RSPO2: variants seen among roughly 807,000 people sequenced by gnomAD.
The protein encoded by RSPO2 is R-spondin-2.
A neutral mutation model predicts 30.9 loss-of-function variants in RSPO2; 14 were observed. The observed-to-expected ratio is 0.45, with a 90% CI of 0.30 to 0.71. RSPO2 has a LOEUF of 0.71. Ranked by LOEUF, RSPO2 falls within the 30% of genes least tolerant of loss-of-function variation. RSPO2 has a pLI of 0.08. For missense variants in RSPO2, 264 were observed against 301.9 expected (o/e 0.87, Z 0.93); for synonymous variants, 107 against 96.4 (o/e 1.11, Z -0.64).
At chr8:107,945,990 T>TG (rs1327680082) in intron 5 of RSPO2, among the ~76,000 whole-genome samples, 7 of 152,214 alleles carry the variant, frequency 4.6e-5, no homozygotes, top group Admixed American at 4.6e-4. Context: ...AATGAATATT[T>TG]GCTCCCTCTG....
intron 2 of RSPO2, among the ~76,000 whole-genome samples, chr8:108,047,590 G>A (rs974798484): frequency 2.0e-5 from 3 of 152,188 alleles, no homozygotes; most frequent in Non-Finnish European, 2.9e-5. Flanking sequence ...GCTCATGCCT[G>A]TAATCCCAGC....
intron 4 of RSPO2, among the ~76,000 whole-genome samples, chr8:107,958,763 A>T (rs1277307428): frequency 6.6e-6 from 1 of 152,048 alleles, no homozygotes; most frequent in Non-Finnish European, 1.5e-5. Context: ...TGTTCCCATC[A>T]TTCAGCTCCC....
intron 5 of RSPO2, among the ~76,000 whole-genome samples, chr8:107,914,829 C>G (rs189221640): frequency 6.6e-6 from 1 of 151,994 alleles, no homozygotes; most frequent in Admixed American, 6.6e-5. Context: ...ATTTTAGGTG[C>G]CTTTATGTGT....
At chr8:107,993,506 G>A (rs964168473) in intron 2 of RSPO2, among the ~76,000 whole-genome samples, 6 of 152,070 alleles carry the variant, frequency 3.9e-5, no homozygotes, top group African/African-American at 1.4e-4. Context: ...TTTATATTAG[G>A]GTCAAAGGCA....
intron 5 of RSPO2, among the ~76,000 whole-genome samples, chr8:107,930,505 T>C (rs745753517): frequency 2.6e-5 from 4 of 152,362 alleles, no homozygotes; most frequent in Non-Finnish European, 5.9e-5. Context: ...AACTGATGAA[T>C]GTTGTAGGTT....
intron 4 of RSPO2, among the ~76,000 whole-genome samples, chr8:107,960,095 C>A (rs1012731663): frequency 6.6e-6 from 1 of 151,924 alleles, no homozygotes; most frequent in Non-Finnish European, 1.5e-5. Flanking sequence ...GGTATTTTAC[C>A]AACTCTCAGA....
chr8:107,956,324 G>T (rs1440592008), intron 5 of RSPO2, among the ~76,000 whole-genome samples: 4 of 152,176 alleles, frequency 2.6e-5, no homozygotes, highest in Non-Finnish European at 5.9e-5. Flanking sequence ...GCTATAGCTA[G>T]TCTTTCCTAA....
intron 2 of RSPO2, among the ~76,000 whole-genome samples, chr8:108,065,013 G>A (rs1447754005): frequency 1.3e-5 from 2 of 151,942 alleles, no homozygotes; most frequent in Non-Finnish European, 2.9e-5. Context: ...ACACACCGGG[G>A]CCTGTTGTGG....
At chr8:107,988,979 C>T (rs1814747960) in intron 3 of RSPO2, 77 bp downstream of exon 3, 1 of 1,312,488 alleles carries the variant, frequency 7.6e-7, no homozygotes, top group African/African-American at 1.5e-5. Context: ...TTAAAAAAAT[C>T]ATTCAAAATC....
intron 4 of RSPO2, among the ~76,000 whole-genome samples, chr8:107,958,793 C>A: frequency 6.6e-6 from 1 of 152,092 alleles, no homozygotes; most frequent in East Asian, 1.9e-4. Context: ...TGAGAACGTG[C>A]GGTGTTTGGC....
At chr8:108,040,798 A>G (rs1213753476) in intron 2 of RSPO2, among the ~76,000 whole-genome samples, 4 of 152,142 alleles carry the variant, frequency 2.6e-5, no homozygotes, top group Non-Finnish European at 4.4e-5. Context: ...AATTTGGCAA[A>G]GGGTGGATTT....
At chr8:107,951,078 T>C (rs934606291) in intron 5 of RSPO2, among the ~76,000 whole-genome samples, 5 of 148,512 alleles carry the variant, frequency 3.4e-5, no homozygotes, top group Non-Finnish European at 5.9e-5. Context: ...GTTGTTGTTG[T>C]TGTTTTTGAG....
At chr8:108,012,022 G>C (rs576267392) in intron 2 of RSPO2, among the ~76,000 whole-genome samples, 13 of 152,184 alleles carry the variant, frequency 8.5e-5, no homozygotes, top group African/African-American at 2.9e-4. Context: ...ATAAGAAAAA[G>C]AGAAAGAGCT....
intron 5 of RSPO2, among the ~76,000 whole-genome samples, chr8:107,946,303 C>T (rs937573455): frequency 1.3e-5 from 2 of 152,178 alleles, no homozygotes; most frequent in Non-Finnish European, 2.9e-5. Flanking sequence ...GGCAAATCTT[C>T]GACTTCCAAT....
intron 3 of RSPO2, among the ~76,000 whole-genome samples, chr8:107,988,569 T>C (rs1453805798): frequency 6.6e-6 from 1 of 152,162 alleles, no homozygotes. Flanking sequence ...TACAGCTCTA[T>C]ACAAAATATA....
intron 3 of RSPO2, among the ~76,000 whole-genome samples, chr8:107,980,276 T>C (rs983317707): frequency 6.6e-6 from 1 of 152,110 alleles, no homozygotes; most frequent in South Asian, 2.1e-4. Context: ...ATATCAGCAG[T>C]AAATGTTTGC....
intron 3 of RSPO2, among the ~76,000 whole-genome samples, chr8:107,961,734 T>C (rs1298778097): frequency 6.6e-6 from 1 of 152,158 alleles, no homozygotes; most frequent in Non-Finnish European, 1.5e-5. Context: ...TATTGTAAGG[T>C]TTTGTAATAA....
intron 5 of RSPO2, among the ~76,000 whole-genome samples, chr8:107,914,722 GAC>G (rs1392097428): frequency 6.6e-6 from 1 of 152,128 alleles, no homozygotes; most frequent in African/African-American, 2.4e-5. Flanking sequence ...AATGAATTAA[GAC>G]ACTTCTGGAA....
chr8:107,985,967 C>T (rs1814613153), intron 3 of RSPO2, among the ~76,000 whole-genome samples: 1 of 152,158 alleles, frequency 6.6e-6, no homozygotes, highest in Non-Finnish European at 1.5e-5. Context: ...CATTGGAAAT[C>T]ATACTCTAGT....
Sources: allele counts gnomAD v4.1 joint callset (sites outside exome capture counted in the v4.1 genomes callset), GRCh38; gene constraint gnomAD v4.1.1; transcripts MANE v1.5; gene names NCBI Gene and HGNC (gene_info 2026-07-23, HGNC 2026-07-21).